Variants in WWOX observed in about 807,000 individuals in gnomAD.
WWOX encodes the protein WW domain-containing oxidoreductase.
In WWOX, 69 loss-of-function variants were observed where a neutral mutation model predicts 46.2. That is an observed-to-expected ratio of 1.49 (90% CI 1.23 to 1.82). The LOEUF (loss-of-function observed/expected upper bound fraction) is 1.82. Ranked by LOEUF, WWOX falls within the 40% of genes most tolerant of loss-of-function variation. WWOX has a pLI of 0.00. For synonymous variants in WWOX, 359 were observed against 202.6 expected (o/e 1.77, Z -6.56); for missense variants, 919 against 542.6 (o/e 1.69, Z -6.89).
intron 8 of WWOX, among the ~76,000 whole-genome samples, chr16:78,792,593 T>C (rs763830115): frequency 3.3e-5 from 5 of 152,148 alleles, no homozygotes; most frequent in African/African-American, 7.2e-5. Flanking sequence ...CTGGCTTGGA[T>C]TGATTTTGAT....
intron 8 of WWOX, among the ~76,000 whole-genome samples, chr16:78,841,285 T>C (rs2052141742): frequency 6.6e-6 from 1 of 152,240 alleles, no homozygotes; most frequent in South Asian, 2.1e-4. Context: ...CTGCTCATAA[T>C]ATTTGAGTCA....
At chr16:78,245,736 A>G (rs566140895) in intron 5 of WWOX, among the ~76,000 whole-genome samples, 1 of 152,350 alleles carries the variant, frequency 6.6e-6, no homozygotes, top group South Asian at 2.1e-4. Flanking sequence ...TTCTGAAAGC[A>G]GTTCCAAATT....
intron 8 of WWOX, among the ~76,000 whole-genome samples, chr16:78,952,087 G>A (rs2046072033): frequency 6.6e-6 from 1 of 152,060 alleles, no homozygotes; most frequent in South Asian, 2.1e-4. Context: ...CCTCGACCCA[G>A]TGACCTAGCC....
chr16:78,525,427 C>T (rs2043441563), intron 8 of WWOX: 1 of 152,118 alleles, frequency 6.6e-6, no homozygotes, highest in Admixed American at 6.6e-5. Context: ...CCTCGTGATC[C>T]ACCAGCCTTG....
At chr16:78,175,521 G>C (rs1170391801) in intron 5 of WWOX, among the ~76,000 whole-genome samples, 1 of 152,194 alleles carries the variant, frequency 6.6e-6, no homozygotes, top group East Asian at 1.9e-4. Context: ...CACTCTCTTG[G>C]ATCACTCACC....
chr16:79,012,900 G>C (rs1017746226), intron 8 of WWOX, among the ~76,000 whole-genome samples: 12 of 152,310 alleles, frequency 7.9e-5, no homozygotes, highest in Admixed American at 2.0e-4. Context: ...CAAAGAAAAT[G>C]CCACCAGCAG....
At chr16:79,007,405 C>T (rs143886627) in intron 8 of WWOX, among the ~76,000 whole-genome samples, 10 of 152,268 alleles carry the variant, frequency 6.6e-5, no homozygotes, top group African/African-American at 1.9e-4. Flanking sequence ...CCCTGAGACA[C>T]TCAGAGAAAT....
chr16:78,631,997 G>A (rs893890532), intron 8 of WWOX, among the ~76,000 whole-genome samples: 1 of 151,116 alleles, frequency 6.6e-6, no homozygotes, highest in Admixed American at 6.6e-5. Context: ...ATAAAACAAA[G>A]TTGACAACCT....
chr16:78,918,267 GA>G (rs1038482170), intron 8 of WWOX, among the ~76,000 whole-genome samples: 3 of 151,950 alleles, frequency 2.0e-5, no homozygotes, highest in Admixed American at 1.3e-4. Context: ...TAAAACATAA[GA>G]AAAAAATAAA....
chr16:78,746,661 G>T (rs2049354480), intron 8 of WWOX, among the ~76,000 whole-genome samples: 1 of 151,808 alleles, frequency 6.6e-6, no homozygotes, highest in South Asian at 2.1e-4. Flanking sequence ...GTGCTTGCAT[G>T]ATTGGCTTTG....
chr16:78,665,736 G>C (rs190529788), intron 8 of WWOX, among the ~76,000 whole-genome samples: 2 of 152,238 alleles, frequency 1.3e-5, no homozygotes, highest in Non-Finnish European at 2.9e-5. Context: ...CCAGGCTGTA[G>C]TGTAGTGATT....
intron 8 of WWOX, among the ~76,000 whole-genome samples, chr16:78,911,279 G>C (rs1597139564): frequency 1.3e-5 from 2 of 152,120 alleles, no homozygotes; most frequent in East Asian, 3.9e-4. Context: ...TAACTACCTT[G>C]CTTGCCTATG....
At chr16:78,892,200 A>T (rs899727666) in intron 8 of WWOX, 3 of 152,172 alleles carry the variant, frequency 2.0e-5, no homozygotes, top group Non-Finnish European at 4.4e-5. Flanking sequence ...AAATTCAAGG[A>T]TTGGAAAGAA....
At chr16:78,373,625 CA>C (rs2081748116) in intron 5 of WWOX, among the ~76,000 whole-genome samples, 1 of 148,860 alleles carries the variant, frequency 6.7e-6, no homozygotes, top group South Asian at 2.3e-4. Context: ...TTTTAAACAG[CA>C]TAGAACTATT....
At chr16:78,531,768 G>C (rs1269650166) in intron 8 of WWOX, among the ~76,000 whole-genome samples, 2 of 152,146 alleles carry the variant, frequency 1.3e-5, no homozygotes, top group African/African-American at 4.8e-5. Flanking sequence ...TGAGACAGGA[G>C]AATCACTTGA....
intron 8 of WWOX, chr16:78,890,339 C>T (rs1188445468): frequency 6.6e-6 from 1 of 152,204 alleles, no homozygotes; most frequent in Non-Finnish European, 1.5e-5. Flanking sequence ...ATTTGACCTC[C>T]ATCATTCTTA....
chr16:78,716,649 A>G (rs907255890), intron 8 of WWOX, among the ~76,000 whole-genome samples: 1 of 151,590 alleles, frequency 6.6e-6, no homozygotes, highest in Non-Finnish European at 1.5e-5. Context: ...CGCTCCTCTC[A>G]CTGTGCTGCT....
At chr16:78,298,418 C>T (rs1227681192) in intron 5 of WWOX, among the ~76,000 whole-genome samples, 2 of 152,108 alleles carry the variant, frequency 1.3e-5, no homozygotes, top group African/African-American at 4.8e-5. Flanking sequence ...CCTGGCTCTG[C>T]CCCTCAATGC....
At chr16:78,768,810 C>T (rs905901183) in intron 8 of WWOX, among the ~76,000 whole-genome samples, 4 of 152,170 alleles carry the variant, frequency 2.6e-5, no homozygotes, top group East Asian at 1.9e-4. Context: ...TGAATATTCA[C>T]ACCAGAAATG....
Sources: gnomAD v4.1 joint callset for allele counts (sites outside exome capture counted in the v4.1 genomes callset) on GRCh38, gnomAD v4.1.1 for gene constraint, MANE v1.5 for transcripts, NCBI Gene and HGNC (gene_info 2026-07-23, HGNC 2026-07-21) for gene names.